Variants in NEK11 observed in about 807,000 individuals in gnomAD.
NEK11 encodes NIMA related kinase 11, also known as serine/threonine-protein kinase Nek11.
A neutral mutation model predicts 80.7 loss-of-function variants in NEK11; 72 were observed. That is an observed-to-expected ratio of 0.89 (90% CI 0.74 to 1.08). The LOEUF (loss-of-function observed/expected upper bound fraction) is 1.08, where lower values mean the gene tolerates loss of function less well. Ranked by LOEUF, NEK11 falls within the 50% of genes least tolerant of loss-of-function variation. The pLI is 0.00. For missense variants in NEK11, 764 were observed against 763.6 expected (o/e 1.00, Z -0.01); for synonymous variants, 251 against 260.7 (o/e 0.96, Z 0.36).
intron 15 of NEK11, among the ~76,000 whole-genome samples, chr3:131,229,165 G>A (rs10512802): frequency 3.3e-5 from 5 of 152,036 alleles, no homozygotes; most frequent in African/African-American, 4.8e-5. Context: ...GGGATAATCT[G>A]TCTAGCTACT....
intron 11 of NEK11, among the ~76,000 whole-genome samples, chr3:131,164,637 T>A (rs944715003): frequency 2.0e-5 from 3 of 152,220 alleles, no homozygotes; most frequent in Non-Finnish European, 4.4e-5. Context: ...AAGTCACATA[T>A]CTTTCACATG....
intron 7 of NEK11, among the ~76,000 whole-genome samples, chr3:131,135,812 T>C (rs945342778): frequency 2.0e-5 from 3 of 152,098 alleles, no homozygotes; most frequent in African/African-American, 7.2e-5. Context: ...ATTTAAGTTT[T>C]TGGAATTATA....
chr3:131,344,124 G>C (rs940354068), intron 17 of NEK11, among the ~76,000 whole-genome samples: 1 of 151,878 alleles, frequency 6.6e-6, no homozygotes, highest in African/African-American at 2.4e-5. Context: ...TCATTTCTTT[G>C]CTCCAATATC....
chr3:131,300,945 T>C (rs531048342), intron 17 of NEK11, among the ~76,000 whole-genome samples: 1 of 152,334 alleles, frequency 6.6e-6, no homozygotes, highest in South Asian at 2.1e-4. Context: ...AGGAATAGCA[T>C]TGAATATGTA....
intron 16 of NEK11, among the ~76,000 whole-genome samples, chr3:131,257,864 A>T (rs2095844493): frequency 6.6e-6 from 1 of 152,152 alleles, no homozygotes; most frequent in African/African-American, 2.4e-5. Context: ...GAAAAAAGAT[A>T]CTTACACATG....
intron 4 of NEK11, among the ~76,000 whole-genome samples, chr3:131,103,350 A>G (rs757201760): frequency 6.6e-6 from 1 of 152,102 alleles, no homozygotes; most frequent in Non-Finnish European, 1.5e-5. Context: ...TCATTTCTGG[A>G]TGTTTTCAGA....
At chr3:131,055,783 G>A (rs189230367) in intron 3 of NEK11, among the ~76,000 whole-genome samples, 2 of 152,158 alleles carry the variant, frequency 1.3e-5, no homozygotes, top group Admixed American at 6.5e-5. Context: ...AAGGAGTGTT[G>A]AGTGTATATC....
rs1185056938 is a variant in NEK11, at chr3:131,027,005, A to G, written c.-171A>G. ...GCGCCGCTCCGACCACGACAGGGAA[A>G]GGTAAAGCGAACTGTCCTCCTTGGG... On this transcript the variant is annotated splice_region_variant and 5_prime_UTR_variant, in exon 1 of 18. Transcript: ENST00000383366. The G allele has an allele frequency of 2.6e-5, 4 of 152,276 alleles. No homozygotes were observed. The highest frequency in any genetic ancestry group is 7.2e-5 in the African/African-American group (3 of 41,440). The allele number at this position is 152,276 out of a possible 1,614,324, so 9.4% of individuals were successfully genotyped here.
intron 14 of NEK11, chr3:131,175,234 C>T (rs1042901369): frequency 1.2e-5 from 6 of 501,664 alleles, no homozygotes; most frequent in African/African-American, 1.0e-4. Flanking sequence ...AACCTTTACT[C>T]ACTCAGTAAT....
At chr3:131,292,455 T>C (rs2096553647) in intron 17 of NEK11, among the ~76,000 whole-genome samples, 2 of 152,188 alleles carry the variant, frequency 1.3e-5, no homozygotes, top group Admixed American at 6.6e-5. Flanking sequence ...CAAAGTAACT[T>C]GCTGGGATTT....
At chr3:131,113,713 C>T (rs2080506696) in intron 5 of NEK11, among the ~76,000 whole-genome samples, 1 of 152,012 alleles carries the variant, frequency 6.6e-6, no homozygotes, top group Non-Finnish European at 1.5e-5. Context: ...GAGTTTGAGA[C>T]TAGCCTGGCC....
intron 17 of NEK11, among the ~76,000 whole-genome samples, chr3:131,286,113 T>C (rs1011225001): frequency 4.6e-5 from 7 of 152,262 alleles, no homozygotes; most frequent in African/African-American, 1.7e-4. Flanking sequence ...AGGCCCTGAC[T>C]TTATGAGTTA....
At chr3:131,202,377 G>A (rs1408738357) in intron 14 of NEK11, among the ~76,000 whole-genome samples, 6 of 152,054 alleles carry the variant, frequency 3.9e-5, no homozygotes, top group East Asian at 1.9e-4. Flanking sequence ...TGGGAAAATC[G>A]GGACACTGCC....
chr3:131,145,700 G>C (rs138859539), intron 7 of NEK11, among the ~76,000 whole-genome samples: 1 of 152,126 alleles, frequency 6.6e-6, no homozygotes, highest in Non-Finnish European at 1.5e-5. Flanking sequence ...CCAGAGGCAG[G>C]ATAGCATAGA....
chr3:131,205,642 G>A (rs77203314), intron 14 of NEK11, among the ~76,000 whole-genome samples: 2,543 of 152,260 alleles, frequency 0.017, 66 homozygotes, highest in African/African-American at 0.058. Context: ...TCAAGAGGCA[G>A]ACTTTTCAAA....
At chr3:131,028,662 C>A (rs2064285211) in intron 2 of NEK11, among the ~76,000 whole-genome samples, 1 of 152,078 alleles carries the variant, frequency 6.6e-6, no homozygotes, top group East Asian at 1.9e-4. Flanking sequence ...CCTGGGTTCA[C>A]GCTATTCTCC....
At chr3:131,151,165 A>C (rs2089564968) in intron 7 of NEK11, among the ~76,000 whole-genome samples, 1 of 152,046 alleles carries the variant, frequency 6.6e-6, no homozygotes, top group African/African-American at 2.4e-5. Context: ...TTAATTCAAG[A>C]GTCAGTTCTA....
At chr3:131,200,053 T>C (rs935389050) in intron 14 of NEK11, among the ~76,000 whole-genome samples, 1 of 152,170 alleles carries the variant, frequency 6.6e-6, no homozygotes, top group Admixed American at 6.5e-5. Flanking sequence ...TATAGCTTGA[T>C]ATATCATATT....
chr3:131,195,442 CTGTT>C (rs66461345), intron 14 of NEK11, among the ~76,000 whole-genome samples: 65,205 of 151,762 alleles, frequency 0.43, 16,556 homozygotes, highest in Middle Eastern at 0.66. Context: ...TTTGAAATGT[CTGTT>C]TGTCTTGGAA....
Sources: allele counts gnomAD v4.1 joint callset (sites outside exome capture counted in the v4.1 genomes callset), GRCh38; gene constraint gnomAD v4.1.1; transcripts MANE v1.5; gene names NCBI Gene and HGNC (gene_info 2026-07-23, HGNC 2026-07-21).